Variants in TRDN observed in about 807,000 individuals in gnomAD.
TRDN encodes the protein triadin.
A neutral mutation model predicts 149.7 loss-of-function variants in TRDN; 161 were observed. The ratio of observed to expected loss-of-function variants is 1.08; its 90% CI spans 0.95 to 1.23. The LOEUF (loss-of-function observed/expected upper bound fraction) is 1.23. TRDN is among the 50% of genes most tolerant of loss of function. The pLI, the probability that TRDN is intolerant of heterozygous loss-of-function variation, is 0.00. For synonymous variants in TRDN, 294 were observed against 250.5 expected (o/e 1.17, Z -1.64); for missense variants, 896 against 823.5 (o/e 1.09, Z -1.08).
intron 21 of TRDN, chr6:123,350,981 G>T: frequency 1.0e-6 from 1 of 984,952 alleles, no homozygotes; most frequent in Non-Finnish European, 1.2e-6. Flanking sequence ...CCAATGTGAT[G>T]ATCAGAAGAA....
chr6:123,543,713 T>C (rs1432074859), intron 4 of TRDN, among the ~76,000 whole-genome samples: 3 of 152,158 alleles, frequency 2.0e-5, no homozygotes, highest in Non-Finnish European at 4.4e-5. Context: ...AATGTTGACA[T>C]TTAAAAATAA....
At position 123,375,463 on chromosome 6, in the gene TRDN, T is replaced by C. The variant is rs537397418; in HGVS notation, c.1273+142A>G. ...ACGGAAAAGACAGGGATAAGTAATA[T>C]TGCATATTCAGCACAACAAATAATC... On this transcript the variant is annotated intron_variant, in intron 19 of 40. Transcript: ENST00000334268. The C allele has an allele frequency of 8.0e-6, 5 of 621,638 alleles. No individual in the cohort carries two copies. In the African/African-American group the frequency reaches 9.9e-5, roughly 12 times the overall value. 38.5% of individuals were successfully genotyped at this position (621,638 alleles called of 1,614,324 possible).
At chr6:123,272,110 T>C (rs73551205) in intron 29 of TRDN, among the ~76,000 whole-genome samples, 2,968 of 152,082 alleles carry the variant, frequency 0.02, 86 homozygotes, top group South Asian at 0.076. Context: ...TCACAGTTTT[T>C]TTAAAAGCAT....
rs575248630 is a variant in TRDN, at chr6:123,280,788, T to A, written c.1511-1706A>T. On this transcript the variant is annotated intron_variant, in intron 24 of 40. Coordinates refer to ENST00000334268, the MANE Select transcript of TRDN (RefSeq NM_006073.4). ...TACTTGGTAGATCTCTTTATCATTATGTTAGTCATAATCTATTGCAAGTAT... is the reference window on the plus strand; with the variant it reads ...TACTTGGTAGATCTCTTTATCATTAAGTTAGTCATAATCTATTGCAAGTAT... Among the ~76,000 whole-genome samples, 10 of 152,028 alleles carry A rather than the reference T, an allele frequency of 6.6e-5. No individual in the cohort carries two copies. In the East Asian group the frequency reaches 1.9e-3, roughly 29 times the overall value.
intron 4 of TRDN, among the ~76,000 whole-genome samples, chr6:123,544,906 A>G (rs1288834876): frequency 1.3e-5 from 2 of 152,008 alleles, no homozygotes; most frequent in Non-Finnish European, 2.9e-5. Context: ...AATAATCAAT[A>G]CTGCAACCCT....
At position 123,216,348 on chromosome 6, in the gene TRDN, C is replaced by G. The variant is rs555387766; in HGVS notation, c.*2253G>C. The G allele has an allele frequency of 2.0e-5, 3 of 151,956 alleles. No individual in the cohort carries two copies. Among genetic ancestry groups the G allele is most frequent in the African/African-American group, 7.2e-5 (3 of 41,506 alleles). 9.4% of individuals were successfully genotyped at this position (151,956 alleles called of 1,614,324 possible). A position where few individuals can be genotyped will look rare whatever the true frequency, so the allele number is the denominator to read the frequency against. ...ATGTAAGGCATCAAACTTGGAAGAT[C>G]TATAACTATTTTATTAGACGGTAAT... On this transcript the variant is annotated 3_prime_UTR_variant, in exon 41 of 41. Transcript: ENST00000334268.
At chr6:123,256,324 T>C (rs147039894) in intron 35 of TRDN, among the ~76,000 whole-genome samples, 2,063 of 152,268 alleles carry the variant, frequency 0.014, 39 homozygotes, top group Non-Finnish European at 0.016. Context: ...ACATTTTCTT[T>C]ATGCAGTCTA....
intron 26 of TRDN, among the ~76,000 whole-genome samples, chr6:123,275,450 T>C (rs1382047654): frequency 6.6e-6 from 1 of 152,140 alleles, no homozygotes; most frequent in Non-Finnish European, 1.5e-5. Context: ...TATTCTCCTC[T>C]ACGGTTTTAA....
At chr6:123,608,100 C>T (rs1784604474) in intron 1 of TRDN, among the ~76,000 whole-genome samples, 1 of 151,982 alleles carries the variant, frequency 6.6e-6, no homozygotes, top group South Asian at 2.1e-4. Flanking sequence ...AACTTAGGAG[C>T]CTGAGATAAA....
At position 123,548,541 on chromosome 6, in the gene TRDN, A is replaced by G; in HGVS notation, c.304T>C (p.Trp102Arg). 6.3e-7 allele frequency: 1 copy of G among 1,577,348 alleles called. No individual in the cohort carries two copies. The highest frequency in any genetic ancestry group is 8.6e-7 in the Non-Finnish European group (1 of 1,159,984). The change falls in exon 3 of 41, where the codon TGG (tryptophan) becomes CGG (arginine). Residue 102 changes from tryptophan (W) to arginine (R), a missense_variant. Coordinates refer to ENST00000334268, the MANE Select transcript of TRDN (RefSeq NM_006073.4). ...AACAAAGAAAAGAAGCCATAGATCC[A>G]GTCCGTGGTTTCCTCCATAGCATCA... ...VRDAMEETTD[W>R]IYGFFSLLSD...
chr6:123,578,392 C>T (rs2114567841), intron 1 of TRDN, among the ~76,000 whole-genome samples: 1 of 152,174 alleles, frequency 6.6e-6, no homozygotes. Context: ...AGTAGGGAGT[C>T]ATGTGACATG....
At chr6:123,569,114 A>G (rs1222219253) in intron 2 of TRDN, among the ~76,000 whole-genome samples, 1 of 152,106 alleles carries the variant, frequency 6.6e-6, no homozygotes, top group African/African-American at 2.4e-5. Context: ...CTGCTTAGAT[A>G]TTTCTTCCAG....
At chr6:123,251,557 G>GA (rs1776373221) in intron 38 of TRDN, among the ~76,000 whole-genome samples, 1 of 151,246 alleles carries the variant, frequency 6.6e-6, no homozygotes, top group Non-Finnish European at 1.5e-5. Context: ...GTGTCAACTA[G>GA]AAAATTAAAA....
intron 21 of TRDN, chr6:123,351,676 A>G (rs766080016): frequency 4.7e-5 from 44 of 944,082 alleles, no homozygotes; most frequent in Non-Finnish European, 5.6e-5. Context: ...ATTTATGTCA[A>G]AAGATCTTAA....
intron 1 of TRDN, among the ~76,000 whole-genome samples, chr6:123,572,260 T>C (rs1276304120): frequency 6.6e-6 from 1 of 152,118 alleles, no homozygotes; most frequent in African/African-American, 2.4e-5. Flanking sequence ...GTAAACCTCC[T>C]TTTGGTGGTT....
At chr6:123,484,340 TCCACTAGG>T (rs1777890926) in intron 9 of TRDN, among the ~76,000 whole-genome samples, 1 of 152,164 alleles carries the variant, frequency 6.6e-6, no homozygotes, top group Non-Finnish European at 1.5e-5. Flanking sequence ...CTATTTTGTA[TCCACTAGG>T]CCACACAAAT....
At chr6:123,633,124 T>C (rs1245869282) in intron 1 of TRDN, among the ~76,000 whole-genome samples, 4 of 152,078 alleles carry the variant, frequency 2.6e-5, no homozygotes, top group Admixed American at 1.3e-4. Flanking sequence ...TCTTCTAACA[T>C]TTTAAATAAA....
intron 5 of TRDN, among the ~76,000 whole-genome samples, chr6:123,527,658 G>A (rs1179809269): frequency 6.6e-6 from 1 of 151,724 alleles, no homozygotes. Flanking sequence ...TTTAGTTAAT[G>A]ATATGTGGTA....
intron 9 of TRDN, among the ~76,000 whole-genome samples, chr6:123,473,110 C>T (rs1486232111): frequency 1.3e-5 from 2 of 152,212 alleles, no homozygotes; most frequent in Non-Finnish European, 2.9e-5. Context: ...CTTTGACAAG[C>T]TGAGAGAAGA....
Sources: gnomAD v4.1 joint callset for allele counts (sites outside exome capture counted in the v4.1 genomes callset) on GRCh38, gnomAD v4.1.1 for gene constraint, MANE v1.5 for transcripts, NCBI Gene and HGNC (gene_info 2026-07-23, HGNC 2026-07-21) for gene names.